Variants in HDAC4 observed in about 807,000 individuals in gnomAD.
HDAC4 encodes histone deacetylase A.
A neutral mutation model predicts 135.1 loss-of-function variants in HDAC4; 16 were observed. That is an observed-to-expected ratio of 0.12 (90% CI 0.08 to 0.18). The LOEUF (loss-of-function observed/expected upper bound fraction) is 0.18, where lower values mean the gene tolerates loss of function less well. Ranked by LOEUF, HDAC4 falls within the 10% of genes least tolerant of loss-of-function variation. HDAC4 has a pLI of 1.00. For missense variants in HDAC4, 1,143 were observed against 1,511.8 expected (o/e 0.76, Z 4.05); for synonymous variants, 685 against 653.4 (o/e 1.05, Z -0.74).
chr2:239,343,432 G>A (rs1467462075), intron 2 of HDAC4, among the ~76,000 whole-genome samples: 6 of 152,222 alleles, frequency 3.9e-5, no homozygotes. Context: ...GACAGATGAA[G>A]TTCCCTGATG....
Position 239,240,812 on chromosome 2 carries a change from G to A in HDAC4, c.23-4148C>T, listed in dbSNP as rs183979497. The stretch of plus-strand genomic sequence containing the variant: ...CACTCTTGCCAGGAGTCCCTTTCGC[G>A]CCGACAGGACCCAGCCTGAACTGAG... On this transcript the variant is annotated intron_variant, in intron 2 of 26. Transcript: ENST00000543185. This position sits in a 1 kb window ranked among gnomAD's most constrained non-coding sequence, Gnocchi z 4.5. Among the ~76,000 whole-genome samples the A allele has an allele frequency of 2.0e-5, 3 of 152,282 alleles. No homozygotes were observed. The highest frequency in any genetic ancestry group is 6.5e-5 in the Admixed American group (1 of 15,292).
chr2:239,365,731 GGTC>G (rs1694153656), intron 1 of HDAC4, among the ~76,000 whole-genome samples: 1 of 152,102 alleles, frequency 6.6e-6, no homozygotes. Context: ...CACAGACCAG[GGTC>G]GTCAGGGTCA....
chr2:239,064,339 G>A (rs963411175), intron 24 of HDAC4, among the ~76,000 whole-genome samples: 1 of 152,240 alleles, frequency 6.6e-6, no homozygotes, highest in African/African-American at 2.4e-5. Context: ...CAGCCCTGCT[G>A]GGGGCGGGGG....
intron 11 of HDAC4, among the ~76,000 whole-genome samples, chr2:239,130,369 G>A (rs527968156): frequency 1.3e-5 from 2 of 152,260 alleles, no homozygotes; most frequent in East Asian, 1.9e-4. Flanking sequence ...GCATGCCATC[G>A]CTAACACAGA....
rs571576924 is a variant in HDAC4, at chr2:239,352,068, A to G, written c.22+610T>C. Among the ~76,000 whole-genome samples, 4 of 152,298 alleles carry G rather than the reference A, an allele frequency of 2.6e-5. No homozygotes were observed. In the East Asian group the frequency reaches 5.8e-4, roughly 22 times the overall value. On this transcript the variant is annotated intron_variant, in intron 2 of 26. Transcript: ENST00000543185. The surrounding 1 kb of genome is among the most constrained non-coding windows in gnomAD (Gnocchi z 4.4). ...CCCATGACATGCTTCTGAAGCTCAG[A>G]GCAGGACAAGCTTGCTTCCCAATCA...
At chr2:239,276,863 T>C (rs1220670454) in intron 2 of HDAC4, among the ~76,000 whole-genome samples, 2 of 152,206 alleles carry the variant, frequency 1.3e-5, no homozygotes, top group African/African-American at 4.8e-5. Flanking sequence ...GGTCTGTGTA[T>C]GAGTTCATTC....
chr2:239,390,809 T>C (rs1696148384), intron 1 of HDAC4, among the ~76,000 whole-genome samples: 1 of 152,198 alleles, frequency 6.6e-6, no homozygotes, highest in South Asian at 2.1e-4. Flanking sequence ...CTTGAGACAC[T>C]GCAGCCACAC....
intron 5 of HDAC4, among the ~76,000 whole-genome samples, chr2:239,165,594 G>A (rs1341458935): frequency 1.3e-5 from 2 of 152,064 alleles, no homozygotes; most frequent in Admixed American, 6.5e-5. Flanking sequence ...GTTCGGCCTC[G>A]CATGAGAGCT....
intron 11 of HDAC4, among the ~76,000 whole-genome samples, chr2:239,130,217 G>T (rs558178837): frequency 1.7e-4 from 26 of 152,356 alleles, no homozygotes; most frequent in African/African-American, 5.0e-4. Flanking sequence ...ATCTGTTTGA[G>T]CTTCTGGGGA....
At chr2:239,106,870 T>A (rs1454497140) in intron 15 of HDAC4, among the ~76,000 whole-genome samples, 1 of 152,046 alleles carries the variant, frequency 6.6e-6, no homozygotes, top group Admixed American at 6.5e-5. Flanking sequence ...GGCTGTCGGG[T>A]GTCCAGGACT....
intron 11 of HDAC4, among the ~76,000 whole-genome samples, chr2:239,128,337 T>A (rs2040337038): frequency 6.6e-6 from 1 of 152,022 alleles, no homozygotes; most frequent in Non-Finnish European, 1.5e-5. Context: ...GAGGTCAGAC[T>A]GGCCAACATG....
rs773998692 is a variant in HDAC4, at chr2:239,142,835, CAT to C, written c.865+1746_865+1747del. On this transcript the variant is annotated intron_variant, in intron 8 of 26. Transcript: ENST00000543185. ...TCAGCACTGATCATGCCCTGTCACA[CAT>C]GACTCCTGGGTGAGCTCAGCACTGA... Among the ~76,000 whole-genome samples, 9 of 149,306 alleles carry C rather than the reference CAT, an allele frequency of 6.0e-5. No homozygotes were observed. The South Asian group carries it at 1.5e-3, about 25-fold the overall frequency.
chr2:239,266,464 C>A (rs1176583924), intron 2 of HDAC4, among the ~76,000 whole-genome samples: 1 of 152,208 alleles, frequency 6.6e-6, no homozygotes, highest in Non-Finnish European at 1.5e-5. Context: ...GGCCATGCTA[C>A]CCCCACCTAT....
intron 12 of HDAC4, among the ~76,000 whole-genome samples, chr2:239,118,941 G>A (rs993307030): frequency 6.6e-6 from 1 of 152,192 alleles, no homozygotes; most frequent in Non-Finnish European, 1.5e-5. Flanking sequence ...GAGGCCCTGT[G>A]GGGGGCAGGG....
At position 239,115,247 on chromosome 2, in the gene HDAC4, C is replaced by CCTCCTCCGT; in HGVS notation, c.1588_1596dup (p.Thr530_Glu532dup). 6.2e-7 allele frequency: 1 copy of CCTCCTCCGT among 1,612,956 alleles called. No individual in the cohort carries two copies. ...AGCAGAGCCTGGTGCTCACGGAGCT[C>CCTCCTCCGT]CTCCTCCGTCTCCTCCGGGTGGCTC... is the stretch of plus-strand genomic sequence containing the variant. On this transcript the variant is annotated inframe_insertion, in exon 13 of 27. Transcript: ENST00000543185. This position sits in a 1 kb window ranked among gnomAD's most constrained non-coding sequence, Gnocchi z 6.3.
chr2:239,131,804 T>C (rs1575137815), intron 11 of HDAC4, among the ~76,000 whole-genome samples: 1 of 152,226 alleles, frequency 6.6e-6, no homozygotes, highest in Non-Finnish European at 1.5e-5. Context: ...GTGGTGCACA[T>C]GTGACTGAGA....
intron 2 of HDAC4, among the ~76,000 whole-genome samples, chr2:239,338,160 C>G (rs980560586): frequency 2.0e-5 from 3 of 152,208 alleles, no homozygotes; most frequent in Non-Finnish European, 2.9e-5. Flanking sequence ...CTGGCTTGGT[C>G]TGTGCCACCA....
At chr2:239,122,249 G>A (rs1487607986) in intron 12 of HDAC4, among the ~76,000 whole-genome samples, 1 of 152,196 alleles carries the variant, frequency 6.6e-6, no homozygotes, top group Non-Finnish European at 1.5e-5. Context: ...CTTGTGCAGA[G>A]TCCAGAAACC....
chr2:239,388,097 G>A (rs866883191), intron 1 of HDAC4, among the ~76,000 whole-genome samples: 1 of 152,176 alleles, frequency 6.6e-6, no homozygotes, highest in Admixed American at 6.5e-5. Flanking sequence ...GGCTGGGCAG[G>A]TCCTCCCTGA....
Sources: gnomAD v4.1 joint callset for allele counts (sites outside exome capture counted in the v4.1 genomes callset) on GRCh38, gnomAD v4.1.1 for gene constraint, Gnocchi (gnomAD v3.1) non-coding constraint, MANE v1.5 for transcripts, NCBI Gene and HGNC (gene_info 2026-07-23, HGNC 2026-07-21) for gene names.